The following YLPM1 variants were observed in gnomAD, a reference collection of about 807,000 sequenced individuals.
YLPM1 encodes YLP motif containing 1, also known as YLP motif-containing protein 1.
In YLPM1, 99 loss-of-function variants were observed where a neutral mutation model predicts 230.0. That is an observed-to-expected ratio of 0.43 (90% CI 0.37 to 0.51). The LOEUF is 0.51. Ranked by LOEUF, YLPM1 falls within the 20% of genes least tolerant of loss-of-function variation. YLPM1 has a pLI of 0.00. For synonymous variants in YLPM1, 984 were observed against 942.5 expected (o/e 1.04, Z -0.81); for missense variants, 2,592 against 2,707.7 (o/e 0.96, Z 0.95).
chr14:74,796,160 G>T (rs1166774572), intron 4 of YLPM1, among the ~76,000 whole-genome samples: 1 of 152,216 alleles, frequency 6.6e-6, no homozygotes, highest in African/African-American at 2.4e-5. Flanking sequence ...GGTATTGGAA[G>T]ACCACCAGTA....
chr14:74,777,793 A>G (rs1211737221), intron 1 of YLPM1, among the ~76,000 whole-genome samples: 1 of 151,934 alleles, frequency 6.6e-6, no homozygotes, highest in Non-Finnish European at 1.5e-5. Flanking sequence ...TGGGCAACAC[A>G]GTAAGACCTT....
chr14:74,827,016 T>G lies in YLPM1; in HGVS notation c.6164-2197T>G, dbSNP rs767010688. ...GAGTTGTATATTGGTTTTCTACATGTCAGACAGATTCATCTCTTCAGAGTT... is the reference window on the plus strand; with the variant it reads ...GAGTTGTATATTGGTTTTCTACATGGCAGACAGATTCATCTCTTCAGAGTT... On this transcript the variant is annotated intron_variant, in intron 18 of 20. Transcript: ENST00000325680. 4.6e-5 allele frequency among the ~76,000 whole-genome samples: 7 copies of G among 152,234 alleles called. No individual in the cohort carries two copies. In the South Asian group the frequency reaches 1.0e-3, roughly 22 times the overall value.
At chr14:74,788,896 T>A (rs1172177738) in intron 4 of YLPM1, among the ~76,000 whole-genome samples, 1 of 152,212 alleles carries the variant, frequency 6.6e-6, no homozygotes, top group East Asian at 1.9e-4. Context: ...TTTTTCTTCT[T>A]TTATTTCTTT....
At chr14:74,803,220 C>A (rs2091345355) in intron 6 of YLPM1, among the ~76,000 whole-genome samples, 2 of 152,038 alleles carry the variant, frequency 1.3e-5, no homozygotes, top group Admixed American at 1.3e-4. Flanking sequence ...GTACATACTT[C>A]AGAACTGTTC....
intron 4 of YLPM1, among the ~76,000 whole-genome samples, chr14:74,788,765 C>A (rs1473337460): frequency 1.3e-5 from 2 of 152,096 alleles, no homozygotes; most frequent in Non-Finnish European, 2.9e-5. Flanking sequence ...ATCGCTTGAG[C>A]CTGGGAGGCC....
chr14:74,778,582 C>A lies in YLPM1; in HGVS notation c.1009C>A (p.Pro337Thr). Residue 337 changes from proline (P) to threonine (T), a missense_variant, in exon 2 of 21, where the codon CCT (proline) becomes ACT (threonine). Around this residue, in one of 4 missense-constraint regions of YLPM1, gnomAD observed 1,862 missense variants for 1,819.8 expected, o/e 1.02. Coordinates refer to ENST00000325680, the MANE Select transcript of YLPM1 (RefSeq NM_019589.3). ...PEPVKEEVTVPATSQVPESPS... is the reference protein window; with the variant it reads ...PEPVKEEVTVTATSQVPESPS... ...GCCGGTAAAAGAAGAAGTTACAGTA[C>A]CTGCCACCAGTCAAGTTCCAGAATC... 1 of 1,603,464 alleles carries A rather than the reference C, an allele frequency of 6.2e-7. No individual in the cohort carries two copies. The highest frequency in any genetic ancestry group is 8.5e-7 in the Non-Finnish European group (1 of 1,175,188).
chr14:74,783,702 T>C (rs2091118377), intron 4 of YLPM1, among the ~76,000 whole-genome samples: 1 of 152,336 alleles, frequency 6.6e-6, no homozygotes, highest in African/African-American at 2.4e-5. Flanking sequence ...TTCCCCAAGC[T>C]TATAATTCTG....
rs370019666 is a variant in YLPM1, at chr14:74,801,242, A to T, written c.4401-1314A>T. Reference sequence around the variant, plus strand: ...GTGATGGATAATGTCATAGCCGAATACAAGTCGTTTATGTTGTGTCAGTGT... The same window carrying T: ...GTGATGGATAATGTCATAGCCGAATTCAAGTCGTTTATGTTGTGTCAGTGT... On this transcript the variant is annotated intron_variant, in intron 5 of 20. Coordinates refer to ENST00000325680, the MANE Select transcript of YLPM1 (RefSeq NM_019589.3). Among the ~76,000 whole-genome samples the T allele has an allele frequency of 3.3e-5, 5 of 152,348 alleles. 1 individual carries two copies. The highest frequency in any genetic ancestry group is 1.2e-4 in the African/African-American group (5 of 41,578).
intron 11 of YLPM1, 71 bp downstream of exon 11, chr14:74,812,853 G>T (rs1013520126): frequency 2.0e-6 from 3 of 1,491,694 alleles, no homozygotes; most frequent in African/African-American, 1.4e-5. Flanking sequence ...ATCCTGAAAA[G>T]AATTTCTTTA....
chr14:74,772,995 A>G (rs2090993688), intron 1 of YLPM1, among the ~76,000 whole-genome samples: 1 of 152,152 alleles, frequency 6.6e-6, no homozygotes, highest in Admixed American at 6.6e-5. Context: ...ATAGAAATTG[A>G]CCTACAAGGC....
rs1231092474 is a variant in YLPM1 at position 74,781,196 on chromosome 14, A to G, written c.1291-138A>G. On this transcript the variant is annotated intron_variant, in intron 3 of 20. Coordinates refer to ENST00000325680, the MANE Select transcript of YLPM1 (RefSeq NM_019589.3). ...GATCATCACTCAAAGAACTTAACGA[A>G]CTTATTCTTAGCCTCCCAAAGTCTT... 5.2e-6 allele frequency: 5 copies of G among 970,478 alleles called. No individual in the cohort carries two copies. In the East Asian group the frequency reaches 1.3e-4, roughly 26 times the overall value. The allele number at this position is 970,478 out of a possible 1,614,324, so 60.1% of individuals were successfully genotyped here.
At chr14:74,788,355 C>T (rs912241573) in intron 4 of YLPM1, among the ~76,000 whole-genome samples, 3 of 152,098 alleles carry the variant, frequency 2.0e-5, no homozygotes, top group Non-Finnish European at 2.9e-5. Flanking sequence ...CTCCTGGCCT[C>T]GTGATCCACC....
rs2091305121 is a variant in YLPM1 at position 74,799,578 on chromosome 14, A to G, written c.4281A>G (p.Ser1427=). The G allele has an allele frequency of 6.2e-7, 1 of 1,613,966 alleles. No homozygotes were observed. Among genetic ancestry groups the G allele is most frequent in the Non-Finnish European group, 8.5e-7 (1 of 1,179,866 alleles). Residue 1427 remains serine (S), a synonymous_variant, in exon 5 of 21, where the codon TCA becomes TCG. Coordinates refer to ENST00000325680, the MANE Select transcript of YLPM1 (RefSeq NM_019589.3). ...AEHMPSSHHS[S]EMMGSDASLD... The stretch of plus-strand genomic sequence containing the variant: ...ATATGCCCTCCTCACATCATTCCTC[A>G]GAAATGATGGGGTCCGATGCAAGCT...
rs756528633 is a variant in YLPM1, at chr14:74,809,977, A to C, written c.5007A>C (p.Leu1669=). 2 of 1,607,628 alleles carry C rather than the reference A, an allele frequency of 1.2e-6. No homozygotes were observed. Among genetic ancestry groups the C allele is most frequent in the East Asian group, 2.2e-5 (1 of 44,790 alleles). The change falls in exon 8 of 21, where the codon CTA becomes CTC. Residue 1669 remains leucine (L), a synonymous_variant. Coordinates refer to ENST00000325680, the MANE Select transcript of YLPM1 (RefSeq NM_019589.3). The stretch of plus-strand genomic sequence containing the variant: ...GAATAACTCTACGCCCAGATCCACT[A>C]CCTGAAAGATCAACTTTTGAGACAG... ...GERITLRPDP[L]PERSTFETEH...
At chr14:74,803,886 G>A (rs1412184976) in intron 6 of YLPM1, among the ~76,000 whole-genome samples, 5 of 152,088 alleles carry the variant, frequency 3.3e-5, no homozygotes, top group South Asian at 2.1e-4. Context: ...GGCCAGGCGC[G>A]GTGGCTCACA....
At chr14:74,812,862 T>C in intron 11 of YLPM1, 80 bp downstream of exon 11, 1 of 1,470,044 alleles carries the variant, frequency 6.8e-7, no homozygotes, top group Non-Finnish European at 9.1e-7. Context: ...AGAATTTCTT[T>C]ATTTTTCTGC....
rs779936599 is a variant in YLPM1 at position 74,810,329 on chromosome 14, C to T, written c.5137C>T (p.Arg1713Cys). ...IADHRDFKRD[R>C]ETHRDRDRDR... The stretch of plus-strand genomic sequence containing the variant: ...AGATCATCGAGATTTTAAAAGGGAT[C>T]GTGAGACACATAGAGATCGAGACCG... The change falls in exon 9 of 21, where the codon CGT becomes TGT. Residue 1713 changes from arginine to cysteine, a missense_variant. Physicochemically the swap from Arg to Cys is radical, Grantham distance 180. This residue lies in a region of YLPM1 where 403 missense variants were observed against 426.7 expected (regional missense o/e 0.94). Coordinates refer to ENST00000325680, the MANE Select transcript of YLPM1 (RefSeq NM_019589.3). 5.6e-6 allele frequency: 9 copies of T among 1,613,592 alleles called. No individual in the cohort carries two copies. The highest frequency in any genetic ancestry group is 2.2e-5 in the South Asian group (2 of 91,058).
chr14:74,828,478 C>G (rs2091583864), intron 18 of YLPM1, among the ~76,000 whole-genome samples: 1 of 152,302 alleles, frequency 6.6e-6, no homozygotes, highest in South Asian at 2.1e-4. Flanking sequence ...CTCATAATTT[C>G]TGAATCCGCA....
At chr14:74,803,770 G>A (rs2091351306) in intron 6 of YLPM1, among the ~76,000 whole-genome samples, 1 of 152,110 alleles carries the variant, frequency 6.6e-6, no homozygotes, top group Non-Finnish European at 1.5e-5. Flanking sequence ...CCCTGCTGCT[G>A]ATTGATTTTA....
Sources: gnomAD v4.1 joint callset for allele counts (sites outside exome capture counted in the v4.1 genomes callset) on GRCh38, gnomAD v4.1.1 for gene constraint, gnomAD v4.1.1 regional missense constraint, MANE v1.5 for transcripts, NCBI Gene and HGNC (gene_info 2026-07-23, HGNC 2026-07-21) for gene names.